BAZ1B: variants seen among roughly 807,000 people sequenced by gnomAD.
The protein encoded by BAZ1B is tyrosine-protein kinase BAZ1B.
Under a neutral mutation model 153.8 loss-of-function variants are expected in BAZ1B, and 22 were observed. The observed-to-expected ratio is 0.14, with a 90% CI of 0.10 to 0.20. The LOEUF is 0.20. Among genes scored for constraint, BAZ1B ranks in the 10% least tolerant of loss-of-function variants. BAZ1B has a pLI of 1.00. For synonymous variants in BAZ1B, 676 were observed against 633.4 expected (o/e 1.07, Z -1.01); for missense variants, 1,325 against 1,799.3 (o/e 0.74, Z 4.77).
At chr7:73,456,667 C>T (rs939100225) in intron 13 of BAZ1B, among the ~76,000 whole-genome samples, 1 of 151,960 alleles carries the variant, frequency 6.6e-6, no homozygotes, top group Admixed American at 6.6e-5. Context: ...AAAGGCTGGG[C>T]GTGGTGGCTG....
chr7:73,486,569 G>A (rs1013563826), intron 6 of BAZ1B, among the ~76,000 whole-genome samples: 9 of 152,042 alleles, frequency 5.9e-5, no homozygotes, highest in African/African-American at 9.7e-5. Context: ...CTCGTGATCC[G>A]CCCAACTCGG....
intron 5 of BAZ1B, among the ~76,000 whole-genome samples, chr7:73,491,418 G>A (rs1789639226): frequency 6.6e-6 from 1 of 152,058 alleles, no homozygotes; most frequent in Non-Finnish European, 1.5e-5. Flanking sequence ...TGACCAACGT[G>A]GTGAAACTCT....
Position 73,489,313 on chromosome 7 carries a change from G to T in BAZ1B, c.772C>A (p.Arg258=). ...PNKEIVRYFI[R]HNALRAGTGE... is the part of the protein sequence containing the mutation. ...GTACCAGCTCGTAATGCATTATGCCGTATAAAGTATCGAACTATCTCCTTA... is the reference window on the plus strand; with the variant it reads ...GTACCAGCTCGTAATGCATTATGCCTTATAAAGTATCGAACTATCTCCTTA... Residue 258 remains arginine, a synonymous_variant, in exon 6 of 20, where the codon CGG becomes AGG. Transcript: ENST00000339594. 1 of 1,614,118 alleles carries T rather than the reference G, an allele frequency of 6.2e-7. No homozygotes were observed. Among genetic ancestry groups the T allele is most frequent in the South Asian group, 1.1e-5 (1 of 91,088 alleles).
intron 6 of BAZ1B, among the ~76,000 whole-genome samples, chr7:73,484,800 A>G (rs1554574255): frequency 6.6e-6 from 1 of 152,226 alleles, no homozygotes; most frequent in African/African-American, 2.4e-5. Flanking sequence ...ATCAAAGAGC[A>G]TTCTACAAAA....
intron 3 of BAZ1B, among the ~76,000 whole-genome samples, chr7:73,506,876 A>G (rs1376169759): frequency 6.8e-6 from 1 of 146,220 alleles, no homozygotes; most frequent in Non-Finnish European, 1.5e-5. Flanking sequence ...AAAAAGTCTT[A>G]AAGTCTTTTT....
chr7:73,477,231 C>G lies in BAZ1B; in HGVS notation c.2230G>C (p.Glu744Gln), dbSNP rs906301766. Residue 744 changes from glutamate (E) to glutamine (Q), a missense_variant, in exon 7 of 20, where the codon GAG (glutamate) becomes CAG (glutamine). This residue lies in a region of BAZ1B where 431 missense variants were observed against 563.5 expected (regional missense o/e 0.76). Transcript: ENST00000339594. This position sits in a 1 kb window ranked among gnomAD's most constrained non-coding sequence, Gnocchi z 5.6. ...TSEFFELTSE[E>Q]KLQILTALCH... ...AGTGCTGTCAAGATCTGTAGCTTCTCCTCTGACGTCAGCTCAAAAAATTCA... is the reference window on the plus strand; with the variant it reads ...AGTGCTGTCAAGATCTGTAGCTTCTGCTCTGACGTCAGCTCAAAAAATTCA... 1 of 1,614,236 alleles carries G rather than the reference C, an allele frequency of 6.2e-7. No individual in the cohort carries two copies.
rs141440845 is a variant in BAZ1B at position 73,448,377 on chromosome 7, C to A, written c.3729-998G>T. On this transcript the variant is annotated intron_variant, in intron 15 of 19. Coordinates refer to ENST00000339594, the MANE Select transcript of BAZ1B (RefSeq NM_032408.4). ...CCCCAAATTTCAGTGTGGAAAACAA[C>A]AGTATTATCTTGGCAAGTACAAGGT... Among the ~76,000 whole-genome samples, 235 of 152,290 alleles carry A rather than the reference C, an allele frequency of 1.5e-3. 4 individuals carry two copies. Among genetic ancestry groups the A allele is most frequent in the Non-Finnish European group, 4.7e-4 (32 of 68,034 alleles).
intron 3 of BAZ1B, among the ~76,000 whole-genome samples, chr7:73,501,576 A>G (rs1390709466): frequency 5.3e-5 from 8 of 152,042 alleles, no homozygotes; most frequent in African/African-American, 1.9e-4. Context: ...AATACCCTAC[A>G]ATGCACAGGA....
At chr7:73,515,773 C>T (rs1320592771) in intron 1 of BAZ1B, among the ~76,000 whole-genome samples, 1 of 152,076 alleles carries the variant, frequency 6.6e-6, no homozygotes, top group Non-Finnish European at 1.5e-5. Context: ...AATTCCTGGG[C>T]TCAAGCAATT....
At chr7:73,478,879 A>G (rs1159122320) in intron 6 of BAZ1B, among the ~76,000 whole-genome samples, 2 of 152,220 alleles carry the variant, frequency 1.3e-5, no homozygotes, top group Admixed American at 6.5e-5. Context: ...CAGCAGAAAT[A>G]GTAGACAAAA....
intron 6 of BAZ1B, among the ~76,000 whole-genome samples, chr7:73,484,458 G>A (rs1554574193): frequency 6.6e-6 from 1 of 151,974 alleles, no homozygotes; most frequent in Non-Finnish European, 1.5e-5. Flanking sequence ...AGGTAACATG[G>A]CGAGACCCTG....
intron 4 of BAZ1B, among the ~76,000 whole-genome samples, chr7:73,493,259 G>A (rs1355899208): frequency 3.3e-5 from 5 of 151,988 alleles, no homozygotes; most frequent in African/African-American, 2.4e-5. Flanking sequence ...TCGGGAGTTC[G>A]AGACCAGCCT....
chr7:73,457,124 G>A (rs1038171829), intron 13 of BAZ1B, among the ~76,000 whole-genome samples: 5 of 151,904 alleles, frequency 3.3e-5, no homozygotes, highest in Middle Eastern at 3.4e-3. Flanking sequence ...CCACTACTGG[G>A]TATACACTGA....
chr7:73,488,479 C>T (rs1211692857), intron 6 of BAZ1B, among the ~76,000 whole-genome samples: 2 of 152,058 alleles, frequency 1.3e-5, no homozygotes, highest in Non-Finnish European at 2.9e-5. Context: ...CATCTGTAAT[C>T]CCAGCACTTT....
intron 8 of BAZ1B, 105 bp from the exon 9 acceptor site, chr7:73,469,755 C>T: frequency 7.5e-7 from 1 of 1,326,790 alleles, no homozygotes; most frequent in South Asian, 1.3e-5. Flanking sequence ...CATTCAAAAC[C>T]ACAGTTTACA....
At position 73,515,337 on chromosome 7, in the gene BAZ1B, T is replaced by C. The variant is rs563164251; in HGVS notation, c.108-4485A>G. ...TGTCTACAAGGTCCCTGAAGAGGAATGTACCTCCCCTCTTCATTAACATCA... is the reference window on the plus strand; with the variant it reads ...TGTCTACAAGGTCCCTGAAGAGGAACGTACCTCCCCTCTTCATTAACATCA... On this transcript the variant is annotated intron_variant, in intron 1 of 19. Transcript: ENST00000339594. Among the ~76,000 whole-genome samples the C allele has an allele frequency of 1.1e-4, 17 of 152,206 alleles. 1 individual carries two copies. The South Asian group carries it at 2.9e-3, about 26-fold the overall frequency.
intron 15 of BAZ1B, among the ~76,000 whole-genome samples, chr7:73,449,194 T>C (rs1787942932): frequency 6.6e-6 from 1 of 152,084 alleles, no homozygotes; most frequent in African/African-American, 2.4e-5. Context: ...AGGAAGGTAA[T>C]GAGTGTGAGA....
chr7:73,459,010 A>C (rs2116271554), intron 13 of BAZ1B, among the ~76,000 whole-genome samples: 1 of 152,264 alleles, frequency 6.6e-6, no homozygotes, highest in African/African-American at 2.4e-5. Flanking sequence ...GCACATTGGG[A>C]GGCCGAAGCG....
chr7:73,481,341 C>T (rs1302715363), intron 6 of BAZ1B, among the ~76,000 whole-genome samples: 1 of 151,686 alleles, frequency 6.6e-6, no homozygotes, highest in Admixed American at 6.6e-5. Context: ...CAGTGAAACC[C>T]CATCTCTAGT....
Sources: allele counts gnomAD v4.1 joint callset (sites outside exome capture counted in the v4.1 genomes callset), GRCh38; gene constraint gnomAD v4.1.1; regional missense constraint gnomAD v4.1.1; non-coding constraint Gnocchi (gnomAD v3.1); transcripts MANE v1.5; gene names NCBI Gene and HGNC (gene_info 2026-07-23, HGNC 2026-07-21).